CXADR: variants seen among roughly 807,000 people sequenced by gnomAD.
CXADR encodes the protein CXADR cell adhesion molecule, also known as coxsackievirus and adenovirus receptor.
A neutral mutation model predicts 40.3 loss-of-function variants in CXADR; 20 were observed. That is an observed-to-expected ratio of 0.50 (90% CI 0.35 to 0.72). The LOEUF is 0.72. CXADR is among the 30% of genes least tolerant of loss of function. The probability of loss-of-function intolerance (pLI) is 0.01; values close to 1 mark genes in which losing one functional copy is unlikely to be tolerated. For synonymous variants in CXADR, 150 were observed against 161.3 expected, an observed-to-expected ratio of 0.93 and a Z score of 0.53; for missense variants, 332 against 449.1, an observed-to-expected ratio of 0.74 and a Z score of 2.36.
chr21:17,544,920 C>T (rs1384102790), intron 1 of CXADR, among the ~76,000 whole-genome samples: 1 of 152,034 alleles, frequency 6.6e-6, no homozygotes, highest in Non-Finnish European at 1.5e-5. Flanking sequence ...GTATATTAAG[C>T]TTATTTTAGG....
chr21:17,581,807 G>A (rs1452460149), intron 7 of CXADR, among the ~76,000 whole-genome samples: 1 of 198 alleles, frequency 5.1e-3, no homozygotes, highest in South Asian at 0.1. Context: ...TGACAACACT[G>A]CAACTCCAGC....
At chr21:17,564,699 TTTC>T (rs2061179293) in intron 6 of CXADR, among the ~76,000 whole-genome samples, 1 of 152,046 alleles carries the variant, frequency 6.6e-6, no homozygotes, top group Non-Finnish European at 1.5e-5. Context: ...AAAAGAATTT[TTTC>T]TTTTCCTTTT....
the CXADR span, among the ~76,000 whole-genome samples, chr21:17,629,206 C>T: frequency 7.2e-5 from 11 of 151,766 alleles, no homozygotes; most frequent in Non-Finnish European, 1.5e-4. Flanking sequence ...ATAGCAAAAC[C>T]CCATTTCTAC....
the CXADR span, among the ~76,000 whole-genome samples, chr21:17,625,827 C>T: frequency 6.6e-6 from 1 of 152,164 alleles, no homozygotes; most frequent in Non-Finnish European, 1.5e-5. Context: ...GTTACTATTT[C>T]TTCTTTTTCT....
In CXADR at chr21:17,586,378, GTGTGTATATATATATATAA is replaced by G. The variant is rs1232500132; in HGVS notation, c.1018-6753_1018-6735del. On this transcript the variant is annotated intron_variant, in intron 7 of 7. Transcript: ENST00000400169. Reference sequence around the variant, plus strand: ...AAGTTTATATGTATATATACAAAATGTGTGTATATATATATATAATGTGTATATATATATATAATATATA... The same window carrying G: ...AAGTTTATATGTATATATACAAAATGTGTGTATATATATATATAATATATA... Among the ~76,000 whole-genome samples the G allele has an allele frequency of 2.1e-3, 297 of 143,254 alleles. 2 individuals carry two copies. Among genetic ancestry groups the G allele is most frequent in the Admixed American group, 3.9e-3 (55 of 14,076 alleles). 94.0% of individuals were successfully genotyped at this position (143,254 alleles called of 152,430 possible).
chr21:17,558,125 C>T (rs937014010), intron 3 of CXADR, among the ~76,000 whole-genome samples: 6 of 151,184 alleles, frequency 4.0e-5, no homozygotes, highest in African/African-American at 9.8e-5. Flanking sequence ...ACATGAATTT[C>T]CAGGCTGTGA....
Position 17,526,298 on chromosome 21 carries a change from A to AT in CXADR, c.43+13136dup, listed in dbSNP as rs909009068. Among the ~76,000 whole-genome samples, 827 of 149,212 alleles carry AT rather than the reference A, an allele frequency of 5.5e-3. 10 individuals are homozygous for AT. Among genetic ancestry groups the AT allele is most frequent in the African/African-American group, 0.018 (722 of 40,710 alleles). On this transcript the variant is annotated intron_variant, in intron 1 of 6. Coordinates refer to ENST00000284878, the MANE Select transcript of CXADR (RefSeq NM_001338.5). ...ATGAGATTTTACTTCTAAAATCGTT[A>AT]TTTTTTTTTTGTCACATAGTATTTG... is the stretch of plus-strand genomic sequence containing the variant.
downstream of CXADR, among the ~76,000 whole-genome samples, chr21:17,597,677 A>C (rs1807591412): frequency 2.0e-5 from 3 of 152,098 alleles, no homozygotes; most frequent in South Asian, 6.2e-4. Context: ...AAATTATGAT[A>C]ATCTTCAGAA....
rs145825767 is a variant in CXADR at position 17,532,636 on chromosome 21, GGCACTGCTAAAT to G, written c.44-14388_44-14377del. Among the ~76,000 whole-genome samples, 1,178 of 152,216 alleles carry G rather than the reference GGCACTGCTAAAT, an allele frequency of 7.7e-3. 55 individuals carry two copies. The East Asian group carries it at 0.16, about 20-fold the overall frequency. On this transcript the variant is annotated intron_variant, in intron 1 of 6. Transcript: ENST00000284878. The stretch of plus-strand genomic sequence containing the variant: ...AAATTGTGAGTTCTTCCTAGTGGAA[GGCACTGCTAAAT>G]GCCTTTTAAATATAAAAGATGACAA...
chr21:17,596,830 A>G (rs917559937), downstream of CXADR, among the ~76,000 whole-genome samples: 1 of 152,096 alleles, frequency 6.6e-6, no homozygotes, highest in African/African-American at 2.4e-5. Flanking sequence ...TTTCAGGAGA[A>G]CTGACACAAT....
Position 17,565,599 on chromosome 21 carries a change from C to T in CXADR, c.1005C>T (p.Leu335=). ...DFERTPQSPT[L]PPAKVAAPNL... is the part of the protein sequence containing the mutation. ...AACGCACTCCTCAGAGTCCGACTCT[C>T]CCACCTGCTAAGGTAGCTGCCCCTA... Residue 335 remains leucine (L), a synonymous_variant, in exon 7 of 7, where the codon CTC becomes CTT. Transcript: ENST00000284878. The T allele has an allele frequency of 6.2e-7, 1 of 1,613,112 alleles. No individual in the cohort carries two copies. Among genetic ancestry groups the T allele is most frequent in the Non-Finnish European group, 8.5e-7 (1 of 1,179,834 alleles).
At chr21:17,523,829 A>G (rs996802938) in intron 1 of CXADR, among the ~76,000 whole-genome samples, 14 of 151,890 alleles carry the variant, frequency 9.2e-5, no homozygotes, top group Admixed American at 5.3e-4. Flanking sequence ...TAATTGTTCA[A>G]TTGGGTTTGG....
At chr21:17,611,395 C>T in the CXADR span, among the ~76,000 whole-genome samples, 2 of 152,128 alleles carry the variant, frequency 1.3e-5, no homozygotes, top group African/African-American at 2.4e-5. Context: ...TGCTCTGCTT[C>T]ATATAAAAAA....
chr21:17,570,662 G>T (rs2061270724), downstream of CXADR, among the ~76,000 whole-genome samples: 1 of 152,302 alleles, frequency 6.6e-6, no homozygotes, highest in African/African-American at 2.4e-5. Context: ...ATCACGTTGA[G>T]TATTAAGATT....
In CXADR at chr21:17,568,606, G is replaced by A. The variant is rs1470135550; in HGVS notation, c.*2914G>A. On this transcript the variant is annotated 3_prime_UTR_variant, in exon 7 of 7. Coordinates refer to ENST00000284878, the MANE Select transcript of CXADR (RefSeq NM_001338.5). ...TAGGGTTTCACTATTGCTCAGGCTG[G>A]TCTCAAACTGCTGGGCTCAGGAGAT... 3 of 970,656 alleles carry A rather than the reference G, an allele frequency of 3.1e-6. No homozygotes were observed. The highest frequency in any genetic ancestry group is 1.2e-4 in the East Asian group (1 of 8,546). The allele number at this position is 970,656 out of a possible 1,614,324, so 60.1% of individuals were successfully genotyped here.
the CXADR span, among the ~76,000 whole-genome samples, chr21:17,599,682 G>C: frequency 1.3e-5 from 2 of 152,070 alleles, no homozygotes; most frequent in African/African-American, 4.8e-5. Flanking sequence ...GTTTCACCAT[G>C]CTGGCCAGGC....
chr21:17,534,744 A>G (rs1463845062), intron 1 of CXADR, among the ~76,000 whole-genome samples: 4 of 150,884 alleles, frequency 2.7e-5, no homozygotes, highest in African/African-American at 9.8e-5. Flanking sequence ...CTACTTATAA[A>G]TCTTTTAACA....
At chr21:17,593,067 G>C in intron 7 of CXADR, 1 of 1,136,042 alleles carries the variant, frequency 8.8e-7, no homozygotes, top group South Asian at 3.7e-5. Flanking sequence ...GATGGAAAAA[G>C]TATTGCTGAT....
At chr21:17,537,278 A>G (rs763561217) in intron 1 of CXADR, among the ~76,000 whole-genome samples, 6 of 152,048 alleles carry the variant, frequency 3.9e-5, no homozygotes, top group Non-Finnish European at 7.4e-5. Flanking sequence ...TTTGTTGTCA[A>G]TTTTTTTCAC....
Sources: allele counts gnomAD v4.1 joint callset (sites outside exome capture counted in the v4.1 genomes callset), GRCh38; gene constraint gnomAD v4.1.1; transcripts MANE v1.5; gene names NCBI Gene and HGNC (gene_info 2026-07-23, HGNC 2026-07-21).